Variants in TNRC6B observed in about 807,000 individuals in gnomAD.
The protein encoded by TNRC6B is trinucleotide repeat-containing gene 6B protein.
TNRC6B carries 52 observed loss-of-function variants against 203.6 expected under a neutral mutation model. That is an observed-to-expected ratio of 0.26 (90% CI 0.20 to 0.32). TNRC6B has a LOEUF of 0.32. Ranked by LOEUF, TNRC6B falls within the 10% of genes least tolerant of loss-of-function variation. The pLI is 1.00. For missense variants in TNRC6B, 1,923 were observed against 2,286.2 expected, an observed-to-expected ratio of 0.84 and a Z score of 3.24; for synonymous variants, 838 against 845.7, an observed-to-expected ratio of 0.99 and a Z score of 0.16.
chr22:40,050,877 T>C (rs951915092), intron 1 of TNRC6B, among the ~76,000 whole-genome samples: 7 of 150,072 alleles, frequency 4.7e-5, no homozygotes, highest in Non-Finnish European at 7.4e-5. Flanking sequence ...CAGGCTGGAG[T>C]GTAGTGGCGT....
intron 1 of TNRC6B, among the ~76,000 whole-genome samples, chr22:40,207,005 A>G (rs892955533): frequency 1.3e-5 from 2 of 152,132 alleles, no homozygotes; most frequent in African/African-American, 2.4e-5. Flanking sequence ...CGAAGGCTCT[A>G]GGAAGAATTG....
intron 6 of TNRC6B, among the ~76,000 whole-genome samples, chr22:40,271,391 A>G (rs1350477623): frequency 6.6e-6 from 1 of 152,232 alleles, no homozygotes; most frequent in African/African-American, 2.4e-5. Flanking sequence ...ATCACATTAT[A>G]TTCAGTACTC....
chr22:40,107,133 T>C (rs565270242), intron 1 of TNRC6B: 1 of 596,918 alleles, frequency 1.7e-6, no homozygotes, highest in Non-Finnish European at 3.0e-6. Flanking sequence ...CATGTAGTCA[T>C]GTTTGTCAGG....
At chr22:40,097,021 A>G (rs1053799884) in intron 1 of TNRC6B, among the ~76,000 whole-genome samples, 8 of 152,202 alleles carry the variant, frequency 5.3e-5, no homozygotes, top group African/African-American at 1.9e-4. Flanking sequence ...GAGGGAGAAC[A>G]GAGACCCCAT....
intron 1 of TNRC6B, among the ~76,000 whole-genome samples, chr22:40,231,944 C>G (rs2069876611): frequency 6.6e-6 from 1 of 152,136 alleles, no homozygotes; most frequent in Non-Finnish European, 1.5e-5. Context: ...AGAAGGGTAC[C>G]TCTCCTTGGT....
At chr22:40,292,352 CAA>C (rs3044498) in intron 12 of TNRC6B, among the ~76,000 whole-genome samples, 40,727 of 100,482 alleles carry the variant, frequency 0.41, 6,227 homozygotes, top group South Asian at 0.52. Flanking sequence ...GACTCCATCT[CAA>C]AAAAAAAAAA....
intron 5 of TNRC6B, among the ~76,000 whole-genome samples, chr22:40,269,765 G>C (rs1407410015): frequency 6.6e-6 from 1 of 151,582 alleles, no homozygotes; most frequent in African/African-American, 2.4e-5. Context: ...GCACACGCCT[G>C]TAATCTCAGC....
chr22:40,049,571 TC>T (rs1419586917), intron 1 of TNRC6B, among the ~76,000 whole-genome samples: 3 of 152,188 alleles, frequency 2.0e-5, no homozygotes. Flanking sequence ...TCTTCCATAC[TC>T]CAAAACAAAA....
At chr22:40,233,364 C>T (rs555582358) in intron 1 of TNRC6B, among the ~76,000 whole-genome samples, 113 of 151,586 alleles carry the variant, frequency 7.5e-4, no homozygotes, top group Non-Finnish European at 1.2e-3. Context: ...TGGCTCATGT[C>T]TGTAATCCCA....
At chr22:40,291,471 A>G (rs1326295251) in intron 12 of TNRC6B, among the ~76,000 whole-genome samples, 1 of 152,226 alleles carries the variant, frequency 6.6e-6, no homozygotes, top group East Asian at 1.9e-4. Context: ...CCCAAATACA[A>G]TGACAGGAAT....
At chr22:40,291,375 C>G (rs1032160747) in intron 12 of TNRC6B, among the ~76,000 whole-genome samples, 1 of 151,830 alleles carries the variant, frequency 6.6e-6, no homozygotes, top group African/African-American at 2.4e-5. Flanking sequence ...ACAGTGATAT[C>G]CTGTCTTAAA....
intron 1 of TNRC6B, among the ~76,000 whole-genome samples, chr22:40,239,406 T>C (rs2069996062): frequency 6.6e-6 from 1 of 152,100 alleles, no homozygotes; most frequent in Non-Finnish European, 1.5e-5. Context: ...GTCATCTGCC[T>C]TGAGACCTTG....
intron 1 of TNRC6B, among the ~76,000 whole-genome samples, chr22:40,084,245 T>C (rs2068084228): frequency 6.6e-6 from 1 of 152,076 alleles, no homozygotes; most frequent in Non-Finnish European, 1.5e-5. Context: ...CCCATGGCAG[T>C]TGAAAAGTTG....
In TNRC6B at chr22:40,301,117, G is replaced by A. The variant is rs1400538729; in HGVS notation, c.3937-33G>A. On this transcript the variant is annotated intron_variant, in intron 14 of 22. Coordinates refer to ENST00000454349, the MANE Select transcript of TNRC6B (RefSeq NM_001162501.2). ...CTTTTCCTGGGAAGTTCGGGGCCGT[G>A]CTTATCACGTGTCTGTCTCTCTTGG... is the stretch of plus-strand genomic sequence containing the variant. The A allele has an allele frequency of 6.4e-6, 10 of 1,553,242 alleles. No homozygotes were observed. The East Asian group carries it at 2.2e-4, about 34-fold the overall frequency.
At chr22:40,293,073 T>A (rs2070889622) in intron 12 of TNRC6B, among the ~76,000 whole-genome samples, 1 of 152,164 alleles carries the variant, frequency 6.6e-6, no homozygotes, top group South Asian at 2.1e-4. Context: ...CATATGATAT[T>A]CCATTATATG....
At chr22:40,092,787 G>T (rs1345869609) in intron 1 of TNRC6B, among the ~76,000 whole-genome samples, 1 of 152,178 alleles carries the variant, frequency 6.6e-6, no homozygotes, top group Non-Finnish European at 1.5e-5. Flanking sequence ...GAGTATCTGG[G>T]ATTAGAGGTG....
chr22:40,202,084 G>A (rs896721487), intron 1 of TNRC6B, among the ~76,000 whole-genome samples: 2 of 152,080 alleles, frequency 1.3e-5, no homozygotes, highest in Non-Finnish European at 2.9e-5. Context: ...AGAAAATACT[G>A]TCTTGAGAAC....
At chr22:40,126,279 C>T (rs935617959) in intron 3 of TNRC6B, among the ~76,000 whole-genome samples, 13 of 152,060 alleles carry the variant, frequency 8.5e-5, no homozygotes, top group Admixed American at 6.6e-4. Flanking sequence ...TAGAGGTACA[C>T]GTGCAGGTTT....
intron 4 of TNRC6B, among the ~76,000 whole-genome samples, chr22:40,160,742 T>C (rs946991352): frequency 4.6e-5 from 7 of 152,028 alleles, no homozygotes; most frequent in Non-Finnish European, 8.8e-5. Context: ...TTTTTTGCTT[T>C]GAGTAGAAAC....
Sources: gnomAD v4.1 joint callset for allele counts (sites outside exome capture counted in the v4.1 genomes callset) on GRCh38, gnomAD v4.1.1 for gene constraint, MANE v1.5 for transcripts, NCBI Gene and HGNC (gene_info 2026-07-23, HGNC 2026-07-21) for gene names.